The following RNPS1 variants were observed in gnomAD, a reference collection of about 807,000 sequenced individuals.
RNPS1 encodes the protein RNA binding protein with serine rich domain 1, also known as RNA-binding protein with serine-rich domain 1.
For missense variants in RNPS1, 300 were observed against 427.6 expected (o/e 0.70, Z 2.63); for synonymous variants, 147 against 150.0 (o/e 0.98, Z 0.15).
intron 1 of RNPS1, chr16:2,266,692 A>C (rs2093626401): frequency 2.0e-6 from 2 of 985,410 alleles, no homozygotes; most frequent in Non-Finnish European, 2.4e-6. Context: ...CCGCCTTCGA[A>C]TCACCTGCAG....
intron 1 of RNPS1, chr16:2,266,632 C>T (rs1390281742): frequency 7.1e-6 from 7 of 985,338 alleles, no homozygotes; most frequent in Middle Eastern, 5.2e-4. Context: ...AGACACTTGT[C>T]TCCAAAGTTA....
intron 1 of RNPS1, chr16:2,265,153 T>G (rs1371613770): frequency 6.5e-6 from 1 of 153,662 alleles, no homozygotes; most frequent in Non-Finnish European, 1.4e-5. Flanking sequence ...CAGATAGGAT[T>G]AGATCTCCTG....
chr16:2,264,951 A>G, intron 1 of RNPS1, 191 bp from the exon 2 acceptor site: 2 of 310,790 alleles, frequency 6.4e-6, no homozygotes, highest in Non-Finnish European at 1.2e-5. Context: ...CAGAGGAGGC[A>G]CAGGTACAAC....
At position 2,253,622 on chromosome 16, in the gene RNPS1, C is replaced by T. The variant is rs1470441270; in HGVS notation, c.*342G>A. 2.3e-6 allele frequency: 1 copy of T among 429,756 alleles called. No homozygotes were observed. Among genetic ancestry groups the T allele is most frequent in the Admixed American group, 3.9e-5 (1 of 25,944 alleles). 26.6% of individuals were successfully genotyped at this position (429,756 alleles called of 1,614,324 possible). On this transcript the variant is annotated 3_prime_UTR_variant, in exon 8 of 8. Transcript: ENST00000320225. ...GCACGGCCTGGCCACCATCCCAGGT[C>T]ATCGGGGAAGGGAAAAGTGTGCTCC...
At chr16:2,260,256 A>C (rs938124337) in intron 6 of RNPS1, among the ~76,000 whole-genome samples, 2 of 149,058 alleles carry the variant, frequency 1.3e-5, no homozygotes, top group East Asian at 4.0e-4. Context: ...CCTAGGTTCA[A>C]GCAATTCTCC....
At chr16:2,262,237 G>T in intron 6 of RNPS1, 41 bp downstream of exon 6, 1 of 1,583,172 alleles carries the variant, frequency 6.3e-7, no homozygotes, top group South Asian at 1.1e-5. Context: ...TCGCGGCGGC[G>T]GGTCTCTGAG....
rs1249256274 is a variant in RNPS1 at position 2,254,039 on chromosome 16, G to A, written c.843C>T (p.Ser281=). The A allele has an allele frequency of 1.3e-5, 19 of 1,500,116 alleles. No individual in the cohort carries two copies. In the South Asian group the frequency reaches 1.6e-4, roughly 12 times the overall value. 92.9% of individuals were successfully genotyped at this position (1,500,116 alleles called of 1,614,324 possible). A position where few individuals can be genotyped will look rare whatever the true frequency, so the allele number is the denominator to read the frequency against. ...RRRSRSPRRR[S]PVRRRSRSPG... is the part of the protein sequence containing the mutation. ...GGGACCGTGATCTCCGGCGCACGGG[G>A]GACCTGCGCCTCGGGGAGCGGGACC... Residue 281 remains serine, a synonymous_variant, in exon 8 of 8, where the codon TCC becomes TCT. Transcript: ENST00000320225.
chr16:2,254,378 C>T (rs2093567208), intron 7 of RNPS1, among the ~76,000 whole-genome samples: 1 of 151,772 alleles, frequency 6.6e-6, no homozygotes, highest in African/African-American at 2.4e-5. Flanking sequence ...GGCGCAATCT[C>T]GGCCTCCCAG....
At chr16:2,267,567 C>T in intron 1 of RNPS1, 1 of 1,055,006 alleles carries the variant, frequency 9.5e-7, no homozygotes, top group Non-Finnish European at 1.1e-6. Flanking sequence ...AAGGGGGGAT[C>T]GGCCGACCTT....
Position 2,264,229 on chromosome 16 carries a change from G to C in RNPS1, c.174C>G (p.Gly58=). The change falls in exon 3 of 8, where the codon GGC becomes GGG. Residue 58 remains glycine, a synonymous_variant. Transcript: ENST00000320225. The stretch of plus-strand genomic sequence containing the variant: ...TGCGCCTCTTTCGGGTTTTGTCCCG[G>C]CCGCGATCCTTCTCACTCGACTCCT... ...ATKESSEKDR[G]RDKTRKRRSA... 6.2e-7 allele frequency: 1 copy of C among 1,614,102 alleles called. No homozygotes were observed. The highest frequency in any genetic ancestry group is 8.5e-7 in the Non-Finnish European group (1 of 1,180,028).
chr16:2,261,314 T>C (rs2093602129), intron 6 of RNPS1, among the ~76,000 whole-genome samples: 1 of 152,206 alleles, frequency 6.6e-6, no homozygotes, highest in South Asian at 2.1e-4. Context: ...TATGTGTGGC[T>C]GTTGCATCCT....
At chr16:2,267,175 C>G in intron 1 of RNPS1, 5 of 985,318 alleles carry the variant, frequency 5.1e-6, no homozygotes, top group Non-Finnish European at 6.0e-6. Flanking sequence ...CTCTGTTCAC[C>G]CAAGTTCAGG....
At chr16:2,266,619 C>G in intron 1 of RNPS1, 1 of 985,404 alleles carries the variant, frequency 1.0e-6, no homozygotes, top group Non-Finnish European at 1.2e-6. Flanking sequence ...CTCCTTCCCC[C>G]ACAGACACTT....
intron 6 of RNPS1, chr16:2,257,269 T>G (rs1278283268): frequency 1.3e-5 from 2 of 152,040 alleles, no homozygotes; most frequent in Admixed American, 1.3e-4. Flanking sequence ...CCCTAAGGGG[T>G]AAAGGGCTCT....
chr16:2,256,650 A>C (rs1346904566), intron 6 of RNPS1: 1 of 152,404 alleles, frequency 6.6e-6, no homozygotes, highest in Non-Finnish European at 1.5e-5. Context: ...GACCCAAAGC[A>C]CTGGTGAGAG....
intron 5 of RNPS1, 77 bp from the exon 6 acceptor site, chr16:2,262,508 G>C (rs779718095): frequency 4.3e-5 from 64 of 1,499,704 alleles, no homozygotes; most frequent in Non-Finnish European, 5.5e-5. Context: ...AGCACATCAT[G>C]ACTAAAACCT....
In RNPS1 at chr16:2,263,157, A is replaced by G. The variant is rs748835099; in HGVS notation, c.358T>C (p.Ser120Pro). Reference sequence around the variant, plus strand: ...CGAGAAGGACTTGGAGAGCCAGAAGAGCTGCTAGAGCTGGAGCTGCGGGAG... The same window carrying G: ...CGAGAAGGACTTGGAGAGCCAGAAGGGCTGCTAGAGCTGGAGCTGCGGGAG... Reference protein sequence around the residue: ...STSRSSSSSSSSGSPSPSRRR... With the variant: ...STSRSSSSSSPSGSPSPSRRR... Residue 120 changes from serine (S) to proline (P), a missense_variant, in exon 4 of 8, where the codon TCT becomes CCT. Physicochemically the swap from Ser to Pro is moderately conservative, Grantham distance 74. Transcript: ENST00000320225. 8 of 1,613,794 alleles carry G rather than the reference A, an allele frequency of 5.0e-6. No homozygotes were observed. The highest frequency in any genetic ancestry group is 5.9e-6 in the Non-Finnish European group (7 of 1,179,892).
At chr16:2,264,504 C>T in intron 2 of RNPS1, 69 bp downstream of exon 2, 2 of 1,557,226 alleles carry the variant, frequency 1.3e-6, no homozygotes, top group Non-Finnish European at 1.8e-6. Flanking sequence ...TCTCAACTTT[C>T]CCCTTTCTGC....
chr16:2,263,102 C>T lies in RNPS1; in HGVS notation c.413G>A (p.Arg138His), dbSNP rs774209701. ...RRRHDNRRRS[R>H]SKSKPPKRDE... ...CCAGGCGCAGGGCACTCACTTGGAGCGGGAGCGCCTCCTGTTGTCGTGTCT... is the reference window on the plus strand; with the variant it reads ...CCAGGCGCAGGGCACTCACTTGGAGTGGGAGCGCCTCCTGTTGTCGTGTCT... Residue 138 changes from arginine to histidine, a missense_variant, in exon 4 of 8, where the codon CGC becomes CAC. By Grantham distance (29) the Arg-to-His change is conservative. Transcript: ENST00000320225. 2.5e-6 allele frequency: 4 copies of T among 1,612,228 alleles called. No homozygotes were observed. The highest frequency in any genetic ancestry group is 2.0e-4 in the Middle Eastern group (1 of 4,922).
Sources: gnomAD v4.1 joint callset for allele counts (sites outside exome capture counted in the v4.1 genomes callset) on GRCh38, gnomAD v4.1.1 for gene constraint, MANE v1.5 for transcripts, NCBI Gene and HGNC (gene_info 2026-07-23, HGNC 2026-07-21) for gene names.